Variants in OXSR1 observed in about 807,000 individuals in gnomAD.
OXSR1 encodes serine/threonine-protein kinase OSR1.
In OXSR1, 24 loss-of-function variants were observed where a neutral mutation model predicts 79.8. The ratio of observed to expected loss-of-function variants is 0.30; its 90% CI spans 0.22 to 0.42. The LOEUF is 0.42. OXSR1 is among the 10% of genes least tolerant of loss of function. OXSR1 has a pLI of 1.00. For synonymous variants in OXSR1, 226 were observed against 209.2 expected, an observed-to-expected ratio of 1.08 and a Z score of -0.69; for missense variants, 430 against 618.4, an observed-to-expected ratio of 0.70 and a Z score of 3.23.
intron 4 of OXSR1, among the ~76,000 whole-genome samples, chr3:38,205,620 G>A (rs182248985): frequency 9.2e-5 from 14 of 152,244 alleles, no homozygotes; most frequent in African/African-American, 2.9e-4. Context: ...CTGCTGGTCC[G>A]CCTTCAGAAT....
chr3:38,172,438 C>T (rs1036295674), intron 1 of OXSR1, among the ~76,000 whole-genome samples: 12 of 152,134 alleles, frequency 7.9e-5, no homozygotes, highest in African/African-American at 2.9e-4. Flanking sequence ...TAAGTATTTA[C>T]TATTTACCTC....
chr3:38,211,908 A>G (rs1702395928), intron 4 of OXSR1, among the ~76,000 whole-genome samples: 1 of 152,192 alleles, frequency 6.6e-6, no homozygotes, highest in Non-Finnish European at 1.5e-5. Flanking sequence ...TTTTGGGTCA[A>G]GGGCCTGTAT....
At chr3:38,252,708 G>A (rs1460513091) in intron 17 of OXSR1, 109 bp from the exon 18 acceptor site, 1 of 805,750 alleles carries the variant, frequency 1.2e-6, no homozygotes, top group East Asian at 2.6e-5. Flanking sequence ...TTGTATCCTA[G>A]GGACCTGTTG....
chr3:38,199,394 T>TAA (rs1249095202), intron 4 of OXSR1, among the ~76,000 whole-genome samples: 1 of 151,882 alleles, frequency 6.6e-6, no homozygotes, highest in African/African-American at 2.4e-5. Context: ...CTCCTCAGGC[T>TAA]AATTTTTAAT....
chr3:38,165,594 C>G lies in OXSR1; in HGVS notation c.-283C>G, dbSNP rs1042381315. 2.4e-6 allele frequency: 1 copy of G among 419,390 alleles called. No individual in the cohort carries two copies. The highest frequency in any genetic ancestry group is 4.3e-6 in the Non-Finnish European group (1 of 232,830). The allele number at this position is 419,390 out of a possible 1,614,324, so 26.0% of individuals were successfully genotyped here. A position where few individuals can be genotyped will look rare whatever the true frequency, so the allele number is the denominator to read the frequency against. On this transcript the variant is annotated 5_prime_UTR_variant, in exon 1 of 18. Transcript: ENST00000311806. ...ACAGAGGGGCTGGGCCCAGGCAAAG[C>G]TTCTGTCGCTGCTGCTGCGGAGGCC... is the stretch of plus-strand genomic sequence containing the variant.
chr3:38,192,565 T>C (rs1190127302), intron 3 of OXSR1, among the ~76,000 whole-genome samples: 3 of 152,240 alleles, frequency 2.0e-5, no homozygotes, highest in Non-Finnish European at 4.4e-5. Flanking sequence ...ACACAAAATC[T>C]TGGTACGCAA....
chr3:38,245,156 C>T (rs919731711), intron 12 of OXSR1, among the ~76,000 whole-genome samples: 2 of 152,082 alleles, frequency 1.3e-5, no homozygotes, highest in African/African-American at 4.8e-5. Flanking sequence ...TATTCCTTGT[C>T]TCCTTGATTT....
At chr3:38,191,754 A>C (rs1351681884) in intron 3 of OXSR1, among the ~76,000 whole-genome samples, 1 of 98,090 alleles carries the variant, frequency 1.0e-5, no homozygotes, top group African/African-American at 4.4e-5. Flanking sequence ...GCTAGCAAGT[A>C]ATCTTACTTT....
At chr3:38,252,680 C>G (rs950110411) in intron 17 of OXSR1, 137 bp from the exon 18 acceptor site, 2 of 687,146 alleles carry the variant, frequency 2.9e-6, no homozygotes, top group Non-Finnish European at 5.1e-6. Context: ...GGAATAAACA[C>G]CTTCGTCAGT....
At chr3:38,181,355 TTTTTTTTTTTTTTTTTTTG>T in intron 1 of OXSR1, among the ~76,000 whole-genome samples, 1 of 114,094 alleles carries the variant, frequency 8.8e-6, no homozygotes, top group Non-Finnish European at 1.8e-5. Context: ...GTTTCAAAAG[TTTTTTTTTTTTTTTTTTTG>T]AGACAGAGTC....
chr3:38,176,316 A>C (rs1701675250), intron 1 of OXSR1, among the ~76,000 whole-genome samples: 1 of 152,222 alleles, frequency 6.6e-6, no homozygotes, highest in South Asian at 2.1e-4. Context: ...CTTCTGTATT[A>C]TTAGATTATT....
At chr3:38,183,965 T>C (rs569533557) in intron 2 of OXSR1, among the ~76,000 whole-genome samples, 108 of 152,330 alleles carry the variant, frequency 7.1e-4, no homozygotes, top group Non-Finnish European at 8.7e-4. Flanking sequence ...TTTGAGGTTT[T>C]TCTTGAGGCT....
chr3:38,186,326 T>C (rs1393215804), intron 2 of OXSR1, among the ~76,000 whole-genome samples: 1 of 152,200 alleles, frequency 6.6e-6, no homozygotes, highest in Non-Finnish European at 1.5e-5. Flanking sequence ...ATAACAGCTT[T>C]ATTGATATAA....
chr3:38,166,055 G>C, intron 1 of OXSR1, 109 bp downstream of exon 1: 1 of 1,003,868 alleles, frequency 1.0e-6, no homozygotes, highest in South Asian at 1.4e-5. Flanking sequence ...AGGAATTCGT[G>C]GGGCGCTTGT....
rs538648941 is a variant in OXSR1 at position 38,201,767 on chromosome 3, G to A, written c.434+2904G>A. On this transcript the variant is annotated intron_variant, in intron 4 of 17. Coordinates refer to ENST00000311806, the MANE Select transcript of OXSR1 (RefSeq NM_005109.3). ...TGGTCTCAGCTACTCAGGAGGCTGA[G>A]GCAGGAGGATCAGTTGAGCCCCAGA... is the stretch of plus-strand genomic sequence containing the variant. 2.0e-5 allele frequency among the ~76,000 whole-genome samples: 3 copies of A among 152,240 alleles called. No individual in the cohort carries two copies. The East Asian group carries it at 5.8e-4, about 29-fold the overall frequency.
chr3:38,201,775 G>T (rs552270699), intron 4 of OXSR1, among the ~76,000 whole-genome samples: 1 of 152,156 alleles, frequency 6.6e-6, no homozygotes, highest in African/African-American at 2.4e-5. Context: ...GAGGCAGGAG[G>T]ATCAGTTGAG....
At chr3:38,220,537 A>G (rs35215818) in intron 5 of OXSR1, among the ~76,000 whole-genome samples, 15 of 152,322 alleles carry the variant, frequency 9.8e-5, no homozygotes, top group Non-Finnish European at 2.1e-4. Flanking sequence ...TATTAGTTAA[A>G]GTTCTTTTGG....
At chr3:38,193,188 G>A in intron 3 of OXSR1, 1 of 928,304 alleles carries the variant, frequency 1.1e-6, no homozygotes, top group Non-Finnish European at 1.5e-6. Flanking sequence ...TTTAATAGGT[G>A]CACAAGAAAT....
chr3:38,206,870 G>C (rs932034346), intron 4 of OXSR1, among the ~76,000 whole-genome samples: 1 of 152,110 alleles, frequency 6.6e-6, no homozygotes, highest in Admixed American at 6.5e-5. Context: ...TCACTAATTG[G>C]GTGACCTCTG....
Sources: gnomAD v4.1 joint callset for allele counts (sites outside exome capture counted in the v4.1 genomes callset) on GRCh38, gnomAD v4.1.1 for gene constraint, MANE v1.5 for transcripts, NCBI Gene and HGNC (gene_info 2026-07-23, HGNC 2026-07-21) for gene names.